The following NAALADL2 variants were observed in gnomAD, a reference collection of about 807,000 sequenced individuals.
The protein encoded by NAALADL2 is inactive N-acetylated-alpha-linked acidic dipeptidase-like protein 2.
NAALADL2 carries 76 observed loss-of-function variants against 87.2 expected under a neutral mutation model. That is an observed-to-expected ratio of 0.87 (90% CI 0.72 to 1.05). The LOEUF is 1.05. NAALADL2 is among the 50% of genes least tolerant of loss of function. The pLI is 0.00. For synonymous variants in NAALADL2, 354 were observed against 331.0 expected, an observed-to-expected ratio of 1.07 and a Z score of -0.75; for missense variants, 1,089 against 945.8, an observed-to-expected ratio of 1.15 and a Z score of -1.99.
intron 2 of NAALADL2, among the ~76,000 whole-genome samples, chr3:174,559,731 A>C (rs779189599): frequency 6.6e-6 from 1 of 152,166 alleles, no homozygotes; most frequent in Non-Finnish European, 1.5e-5. Flanking sequence ...GAAAGAAGGC[A>C]GGAGGGTCCC....
intron 1 of NAALADL2, among the ~76,000 whole-genome samples, chr3:174,999,360 A>G (rs912916440): frequency 1.8e-4 from 28 of 152,124 alleles, no homozygotes; most frequent in African/African-American, 6.8e-4. Context: ...TTCTTCTATA[A>G]ATATTTATTT....
At chr3:175,367,178 G>A (rs1244082197) in intron 5 of NAALADL2, among the ~76,000 whole-genome samples, 25 of 151,378 alleles carry the variant, frequency 1.7e-4, no homozygotes, top group African/African-American at 4.9e-4. Flanking sequence ...GTAGATATGC[G>A]GCGTTATTTC....
intron 2 of NAALADL2, among the ~76,000 whole-genome samples, chr3:174,555,629 G>C (rs1436176262): frequency 6.6e-6 from 1 of 152,172 alleles, no homozygotes; most frequent in Non-Finnish European, 1.5e-5. Flanking sequence ...CAGTTGTGCA[G>C]AAGTATGATT....
chr3:174,634,449 A>G (rs926731964), intron 2 of NAALADL2, among the ~76,000 whole-genome samples: 2 of 152,086 alleles, frequency 1.3e-5, no homozygotes, highest in South Asian at 2.1e-4. Context: ...GAATGCCACT[A>G]TTTTAAAAAT....
intron 9 of NAALADL2, among the ~76,000 whole-genome samples, chr3:175,475,002 C>A (rs11924386): frequency 0.07 from 10,363 of 147,394 alleles, 424 homozygotes; most frequent in South Asian, 0.16. Context: ...ATTATACATT[C>A]TTTCATGCAC....
intron 2 of NAALADL2, among the ~76,000 whole-genome samples, chr3:174,648,379 A>C (rs966239350): frequency 6.6e-6 from 1 of 151,980 alleles, no homozygotes; most frequent in African/African-American, 2.4e-5. Context: ...CTATGTATGC[A>C]TAGGAGAAAA....
intron 11 of NAALADL2, among the ~76,000 whole-genome samples, chr3:175,660,521 T>C (rs1020581551): frequency 6.6e-6 from 1 of 152,112 alleles, no homozygotes; most frequent in Non-Finnish European, 1.5e-5. Flanking sequence ...AACATTACAT[T>C]TCTTCCCTTC....
intron 2 of NAALADL2, among the ~76,000 whole-genome samples, chr3:175,175,568 C>T (rs1735579875): frequency 6.6e-6 from 1 of 151,876 alleles, no homozygotes; most frequent in Non-Finnish European, 1.5e-5. Flanking sequence ...TTGTGAATAC[C>T]TGCATGTAGT....
At chr3:175,763,161 C>T (rs553668676) in intron 13 of NAALADL2, among the ~76,000 whole-genome samples, 2 of 152,112 alleles carry the variant, frequency 1.3e-5, no homozygotes, top group Admixed American at 6.5e-5. Flanking sequence ...AATCTTGGGA[C>T]TCTAAATGAC....
At chr3:175,790,337 A>AACTC (rs1171087838) in intron 13 of NAALADL2, among the ~76,000 whole-genome samples, 1 of 152,094 alleles carries the variant, frequency 6.6e-6, no homozygotes, top group Non-Finnish European at 1.5e-5. Context: ...TGAGAGTTGG[A>AACTC]ACTCAAGATG....
chr3:175,013,291 A>AT lies in NAALADL2; in HGVS notation c.44-83498dup, dbSNP rs1361382620. On this transcript the variant is annotated intron_variant, in intron 1 of 13. Coordinates refer to ENST00000454872, the MANE Select transcript of NAALADL2 (RefSeq NM_207015.3). ...TTTATATATATACATATATATATAT[A>AT]TATATATATATTTTTTTTTTTTTTT... 3.7e-4 allele frequency among the ~76,000 whole-genome samples: 31 copies of AT among 84,738 alleles called. 1 individual carries two copies. Among genetic ancestry groups the AT allele is most frequent in the Admixed American group, 5.7e-4 (4 of 7,076 alleles). The allele number at this position is 84,738 out of a possible 152,430, so 55.6% of individuals were successfully genotyped here.
chr3:174,643,996 C>T (rs1200620159), intron 2 of NAALADL2, among the ~76,000 whole-genome samples: 1 of 152,146 alleles, frequency 6.6e-6, no homozygotes, highest in Non-Finnish European at 1.5e-5. Context: ...AATTTAAGGT[C>T]ACTACCACAG....
intron 9 of NAALADL2, among the ~76,000 whole-genome samples, chr3:175,475,151 A>C (rs1408598330): frequency 2.0e-5 from 3 of 151,814 alleles, no homozygotes; most frequent in Admixed American, 2.0e-4. Flanking sequence ...GAGTGCCAGC[A>C]CCTCTGATTG....
intron 3 of NAALADL2, among the ~76,000 whole-genome samples, chr3:174,763,465 T>C (rs1462540040): frequency 1.3e-5 from 2 of 151,312 alleles, no homozygotes; most frequent in African/African-American, 4.9e-5. Flanking sequence ...TGCATACCTG[T>C]AATCCCAGCT....
At chr3:175,487,196 G>A (rs949190001) in intron 9 of NAALADL2, among the ~76,000 whole-genome samples, 5 of 151,988 alleles carry the variant, frequency 3.3e-5, no homozygotes, top group East Asian at 1.9e-4. Context: ...TTTTCACAGC[G>A]AGACCCACCT....
intron 13 of NAALADL2, among the ~76,000 whole-genome samples, chr3:175,766,349 C>G (rs1439030316): frequency 6.6e-6 from 1 of 152,020 alleles, no homozygotes; most frequent in Non-Finnish European, 1.5e-5. Context: ...GCTCAGTAGA[C>G]GGGGATCTTA....
intron 11 of NAALADL2, among the ~76,000 whole-genome samples, chr3:175,705,222 A>T (rs190214365): frequency 6.6e-6 from 1 of 152,214 alleles, no homozygotes; most frequent in East Asian, 1.9e-4. Flanking sequence ...CATTTCACAG[A>T]AGAGGAAAAT....
Position 175,100,365 on chromosome 3 carries a change from C to T in NAALADL2, c.545+3074C>T, listed in dbSNP as rs547697185. Among the ~76,000 whole-genome samples the T allele has an allele frequency of 3.3e-5, 5 of 152,242 alleles. No individual in the cohort carries two copies. In the South Asian group the frequency reaches 6.2e-4, roughly 19 times the overall value. The stretch of plus-strand genomic sequence containing the variant: ...AAAGCTGCTGATGTGCTATACGTCC[C>T]GGTCTCTTCTCAAGAAAGAAGCCTC... On this transcript the variant is annotated intron_variant, in intron 2 of 13. Transcript: ENST00000454872.
Position 175,463,504 on chromosome 3 carries a change from T to C in NAALADL2, c.1327+11T>C, listed in dbSNP as rs761048868. On this transcript the variant is annotated intron_variant, in intron 7 of 13. Transcript: ENST00000454872. ...GCTTGACATCTCCAGGTAAGTAGGG[T>C]TGAAAATTTATAATCTACACTTTAT... The C allele has an allele frequency of 6.8e-6, 10 of 1,474,074 alleles. No individual in the cohort carries two copies. In the Admixed American group the frequency reaches 1.6e-4, roughly 24 times the overall value. 91.3% of individuals were successfully genotyped at this position (1,474,074 alleles called of 1,614,324 possible). A position where few individuals can be genotyped will look rare whatever the true frequency, so the allele number is the denominator to read the frequency against.
Sources: allele counts gnomAD v4.1 joint callset (sites outside exome capture counted in the v4.1 genomes callset), GRCh38; gene constraint gnomAD v4.1.1; transcripts MANE v1.5; gene names NCBI Gene and HGNC (gene_info 2026-07-23, HGNC 2026-07-21).